The following ACYP2 variants were observed in gnomAD, a reference collection of about 807,000 sequenced individuals.
ACYP2 encodes the protein acylphosphatase-2.
ACYP2 carries 12 observed loss-of-function variants against 11.2 expected under a neutral mutation model. The ratio of observed to expected loss-of-function variants is 1.08; its 90% CI spans 0.69 to 1.74. ACYP2 has a LOEUF of 1.74. ACYP2 is among the 40% of genes most tolerant of loss of function. The pLI is 0.00. For synonymous variants in ACYP2, 43 were observed against 32.2 expected, an observed-to-expected ratio of 1.33 and a Z score of -1.13; for missense variants, 134 against 101.9, an observed-to-expected ratio of 1.31 and a Z score of -1.35.
At chr2:54,248,777 G>A (rs12615793) in intron 6 of ACYP2, among the ~76,000 whole-genome samples, 20,076 of 152,108 alleles carry the variant, frequency 0.13, 1,286 homozygotes, top group East Asian at 0.17. Context: ...TATAAACTAC[G>A]AACATCTGTA....
At chr2:54,124,608 A>C (rs1008826474) in intron 4 of ACYP2, among the ~76,000 whole-genome samples, 1 of 152,242 alleles carries the variant, frequency 6.6e-6, no homozygotes, top group African/African-American at 2.4e-5. Context: ...AGAAGTATGA[A>C]TTTAACCAAA....
At chr2:54,232,654 T>C (rs1481833341) in intron 6 of ACYP2, among the ~76,000 whole-genome samples, 2 of 152,146 alleles carry the variant, frequency 1.3e-5, no homozygotes, top group Non-Finnish European at 2.9e-5. Flanking sequence ...AGAGGTTTAA[T>C]TGACTCACAG....
rs7605664 is a variant in ACYP2, at chr2:54,240,215, C to G, written c.405-64473C>G. On this transcript the variant is annotated intron_variant, in intron 6 of 6. Coordinates refer to ENST00000607452, the MANE Select transcript of ACYP2 (RefSeq NM_001320586.2). Reference sequence around the variant, plus strand: ...AGATGGGGGTGGGTGTCACCATGATCTTAGTGTTGCACTTTTTGGAAACTA... The same window carrying G: ...AGATGGGGGTGGGTGTCACCATGATGTTAGTGTTGCACTTTTTGGAAACTA... Among the ~76,000 whole-genome samples the G allele has an allele frequency of 4.0e-3, 615 of 152,256 alleles. 6 individuals carry two copies. The highest frequency in any genetic ancestry group is 0.014 in the African/African-American group (589 of 41,532).
intron 6 of ACYP2, among the ~76,000 whole-genome samples, chr2:54,172,660 T>C (rs547687487): frequency 3.3e-5 from 5 of 152,292 alleles, no homozygotes; most frequent in African/African-American, 1.2e-4. Flanking sequence ...ATGTGCAGGT[T>C]TGTTACATAT....
At chr2:54,100,641 T>C (rs1457460877) in intron 4 of ACYP2, among the ~76,000 whole-genome samples, 1 of 152,212 alleles carries the variant, frequency 6.6e-6, no homozygotes, top group East Asian at 1.9e-4. Context: ...CTACCAATTG[T>C]ACAAAATCAT....
At chr2:54,235,257 G>A (rs753548397) in intron 6 of ACYP2, among the ~76,000 whole-genome samples, 1 of 150,748 alleles carries the variant, frequency 6.6e-6, no homozygotes, top group Non-Finnish European at 1.5e-5. Context: ...TTTATTCTCT[G>A]GAAGAATTTA....
intron 6 of ACYP2, among the ~76,000 whole-genome samples, chr2:54,262,385 C>G (rs1352929938): frequency 6.6e-6 from 1 of 152,102 alleles, no homozygotes; most frequent in Admixed American, 6.6e-5. Context: ...GTTTTAAATG[C>G]AAATTTTAAA....
chr2:54,130,899 C>G (rs564735379), intron 4 of ACYP2, among the ~76,000 whole-genome samples: 1 of 152,148 alleles, frequency 6.6e-6, no homozygotes, highest in East Asian at 1.9e-4. Flanking sequence ...TGTTTTTCAA[C>G]AAGCCAGCCC....
At chr2:54,141,892 C>A in intron 6 of ACYP2, 1 of 640,052 alleles carries the variant, frequency 1.6e-6, no homozygotes, top group Non-Finnish European at 2.9e-6. Flanking sequence ...GGCTGGAGTG[C>A]AGTGGTCTGA....
chr2:54,135,420 G>A (rs1449428593), intron 4 of ACYP2, 33 bp from the exon 2 acceptor site: 2 of 1,600,436 alleles, frequency 1.2e-6, no homozygotes, highest in East Asian at 4.5e-5. Flanking sequence ...AGGAGGACAA[G>A]CTGACAATTC....
At chr2:54,146,621 G>C (rs191420732) in intron 6 of ACYP2, among the ~76,000 whole-genome samples, 43 of 151,610 alleles carry the variant, frequency 2.8e-4, no homozygotes, top group Non-Finnish European at 5.3e-4. Flanking sequence ...TTATTATGTG[G>C]GAAATTAGCT....
intron 2 of ACYP2, among the ~76,000 whole-genome samples, chr2:54,031,871 G>T (rs1254560631): frequency 2.0e-5 from 3 of 152,164 alleles, no homozygotes; most frequent in African/African-American, 7.2e-5. Context: ...TTTATCTGAT[G>T]GCCAGTGACG....
intron 4 of ACYP2, among the ~76,000 whole-genome samples, chr2:54,134,469 A>C (rs960903260): frequency 2.0e-5 from 3 of 152,226 alleles, no homozygotes; most frequent in Non-Finnish European, 2.9e-5. Context: ...CATTTTAAGA[A>C]GATATCTTAA....
chr2:54,129,352 C>T (rs1455922991), intron 4 of ACYP2, among the ~76,000 whole-genome samples: 8 of 152,006 alleles, frequency 5.3e-5, no homozygotes, highest in South Asian at 4.1e-4. Context: ...AGGCTGATCT[C>T]GAACTCCTGG....
intron 6 of ACYP2, among the ~76,000 whole-genome samples, chr2:54,224,180 A>G (rs760647351): frequency 2.6e-5 from 4 of 152,220 alleles, no homozygotes; most frequent in Non-Finnish European, 4.4e-5. Flanking sequence ...GTCCCCAGCC[A>G]GCAATGCCCC....
At chr2:53,996,657 C>G (rs1672588861) in intron 2 of ACYP2, among the ~76,000 whole-genome samples, 1 of 152,120 alleles carries the variant, frequency 6.6e-6, no homozygotes, top group Non-Finnish European at 1.5e-5. Context: ...CAGCTGATGG[C>G]CATTAGCTAA....
intron 4 of ACYP2, among the ~76,000 whole-genome samples, chr2:54,097,273 A>G (rs1460214259): frequency 6.6e-6 from 1 of 152,148 alleles, no homozygotes; most frequent in Non-Finnish European, 1.5e-5. Context: ...TACTATGTCT[A>G]TGGTTTGTTG....
chr2:54,235,806 C>G (rs1366683424), intron 6 of ACYP2, among the ~76,000 whole-genome samples: 1 of 152,188 alleles, frequency 6.6e-6, no homozygotes, highest in Non-Finnish European at 1.5e-5. Context: ...ATGCATGCAG[C>G]ATGAGCAATG....
chr2:54,005,548 A>C (rs952855783), intron 2 of ACYP2, among the ~76,000 whole-genome samples: 2 of 152,156 alleles, frequency 1.3e-5, no homozygotes, highest in African/African-American at 4.8e-5. Context: ...CATGTTGGCC[A>C]GGCTGGTCTC....
Sources: allele counts gnomAD v4.1 joint callset (sites outside exome capture counted in the v4.1 genomes callset), GRCh38; gene constraint gnomAD v4.1.1; transcripts MANE v1.5; gene names NCBI Gene and HGNC (gene_info 2026-07-23, HGNC 2026-07-21).